The following MAP3K20 variants were observed in gnomAD, a reference collection of about 807,000 sequenced individuals.
MAP3K20 encodes the protein HCCS-4.
A neutral mutation model predicts 85.7 loss-of-function variants in MAP3K20; 40 were observed. The observed-to-expected ratio is 0.47, with a 90% CI of 0.36 to 0.61. The LOEUF (loss-of-function observed/expected upper bound fraction) is 0.61. Ranked by LOEUF, MAP3K20 falls within the 20% of genes least tolerant of loss-of-function variation. The pLI, the probability that MAP3K20 is intolerant of heterozygous loss-of-function variation, is 0.00. For missense variants in MAP3K20, 817 were observed against 961.7 expected (o/e 0.85, Z 1.99); for synonymous variants, 325 against 327.7 (o/e 0.99, Z 0.09).
Position 173,233,081 on chromosome 2 carries a change from C to T in MAP3K20, c.1203+622C>T, listed in dbSNP as rs188097946. 1.7e-3 allele frequency among the ~76,000 whole-genome samples: 255 copies of T among 152,194 alleles called. 1 individual carries two copies. Among genetic ancestry groups the T allele is most frequent in the Admixed American group, 4.9e-3 (75 of 15,288 alleles). Reference sequence around the variant, plus strand: ...GTGGAGAAAACAGATACTGCCTATGCGATAATGGTAAATGACGGCTGTAAG... The same window carrying T: ...GTGGAGAAAACAGATACTGCCTATGTGATAATGGTAAATGACGGCTGTAAG... On this transcript the variant is annotated intron_variant, in intron 14 of 19. Coordinates refer to ENST00000375213, the MANE Select transcript of MAP3K20 (RefSeq NM_016653.3).
At chr2:173,092,810 A>T (rs920126124) in intron 2 of MAP3K20, among the ~76,000 whole-genome samples, 1 of 152,208 alleles carries the variant, frequency 6.6e-6, no homozygotes, top group Admixed American at 6.5e-5. Flanking sequence ...GGATACCTAC[A>T]TAATACCTTT....
intron 2 of MAP3K20, among the ~76,000 whole-genome samples, chr2:173,096,409 C>T (rs555540983): frequency 5.7e-4 from 86 of 151,710 alleles, no homozygotes; most frequent in African/African-American, 2.0e-3. Flanking sequence ...GTGCAATCTC[C>T]GTTCACTGCA....
intron 2 of MAP3K20, among the ~76,000 whole-genome samples, chr2:173,097,156 G>A (rs1332334426): frequency 1.3e-5 from 2 of 152,186 alleles, no homozygotes; most frequent in African/African-American, 2.4e-5. Context: ...CGAGGCGGGC[G>A]GATCACGAGG....
At chr2:173,209,950 G>A in intron 10 of MAP3K20, 115 bp downstream of exon 10, 1 of 945,518 alleles carries the variant, frequency 1.1e-6, no homozygotes. Flanking sequence ...CCATAGCTTA[G>A]GGAAAAAGAA....
chr2:173,105,016 A>G (rs1687744987), intron 2 of MAP3K20, among the ~76,000 whole-genome samples: 1 of 152,194 alleles, frequency 6.6e-6, no homozygotes, highest in African/African-American at 2.4e-5. Context: ...CAGAGAGGCA[A>G]TGAGGCCAAG....
intron 2 of MAP3K20, among the ~76,000 whole-genome samples, chr2:173,136,113 T>C (rs954728378): frequency 2.0e-5 from 3 of 152,228 alleles, no homozygotes; most frequent in East Asian, 1.9e-4. Flanking sequence ...TAAAATTAGC[T>C]GTAACAAAAG....
At chr2:173,223,159 T>A (rs1684296780) in intron 11 of MAP3K20, 1 of 985,184 alleles carries the variant, frequency 1.0e-6, no homozygotes. Context: ...CCAGCTTCAT[T>A]TGGGGAGAAA....
At chr2:173,163,618 G>C (rs1212473710) in intron 2 of MAP3K20, among the ~76,000 whole-genome samples, 1 of 152,110 alleles carries the variant, frequency 6.6e-6, no homozygotes, top group East Asian at 1.9e-4. Context: ...GTATTCCATG[G>C]TATGTATGTA....
chr2:173,166,511 T>G (rs1443342027), intron 2 of MAP3K20: 1 of 152,212 alleles, frequency 6.6e-6, no homozygotes, highest in Non-Finnish European at 1.5e-5. Flanking sequence ...TGAAATTATT[T>G]CTGTGTAACT....
rs1459091372 is a variant in MAP3K20, at chr2:173,203,068, T to C, written c.670-728T>C. Among the ~76,000 whole-genome samples, 5 of 152,294 alleles carry C rather than the reference T, an allele frequency of 3.3e-5. No individual in the cohort carries two copies. In the East Asian group the frequency reaches 9.6e-4, roughly 29 times the overall value. On this transcript the variant is annotated intron_variant, in intron 8 of 19. Coordinates refer to ENST00000375213, the MANE Select transcript of MAP3K20 (RefSeq NM_016653.3). ...GGGAGTTCCTGGTTATGCAGGATAG[T>C]ATGGTATATTGAATTGTCTAGCATT... is the stretch of plus-strand genomic sequence containing the variant.
At chr2:173,123,961 T>C (rs921949673) in intron 2 of MAP3K20, among the ~76,000 whole-genome samples, 8 of 152,212 alleles carry the variant, frequency 5.3e-5, no homozygotes, top group African/African-American at 1.9e-4. Flanking sequence ...CTACAATCTT[T>C]ATATTCATCA....
intron 2 of MAP3K20, among the ~76,000 whole-genome samples, chr2:173,117,281 A>C (rs1688152956): frequency 1.3e-5 from 2 of 151,936 alleles, no homozygotes; most frequent in Non-Finnish European, 2.9e-5. Context: ...TTCCTCATTT[A>C]TTTATTATTA....
chr2:173,147,076 A>G (rs533229685), intron 2 of MAP3K20, among the ~76,000 whole-genome samples: 3 of 152,298 alleles, frequency 2.0e-5, no homozygotes, highest in Non-Finnish European at 4.4e-5. Context: ...TTGAGTTGTA[A>G]GAATTTGTAT....
chr2:173,203,774 T>G, intron 8 of MAP3K20, 22 bp from the exon 9 acceptor site: 2 of 1,581,448 alleles, frequency 1.3e-6, no homozygotes, highest in East Asian at 2.2e-5. Context: ...TATTTTGTTT[T>G]GTTTCCCTCT....
chr2:173,224,555 A>G (rs1684334839), intron 11 of MAP3K20: 1 of 984,608 alleles, frequency 1.0e-6, no homozygotes, highest in Non-Finnish European at 1.2e-6. Flanking sequence ...TATTCCAGAG[A>G]TGGTCATAGC....
intron 11 of MAP3K20, among the ~76,000 whole-genome samples, chr2:173,220,528 T>C (rs961132313): frequency 1.3e-5 from 2 of 152,322 alleles, no homozygotes; most frequent in East Asian, 3.8e-4. Context: ...ATTTAATAAT[T>C]TGAATAAATA....
intron 11 of MAP3K20, chr2:173,226,844 G>A (rs778266720): frequency 1.5e-5 from 15 of 984,530 alleles, no homozygotes; most frequent in African/African-American, 1.7e-5. Context: ...TGAATAGATG[G>A]CATTATCACT....
intron 2 of MAP3K20, among the ~76,000 whole-genome samples, chr2:173,154,134 G>C (rs1574062168): frequency 6.6e-6 from 1 of 152,024 alleles, no homozygotes; most frequent in South Asian, 2.1e-4. Flanking sequence ...AAACTAAAGT[G>C]CTGCCGTTTC....
At chr2:173,124,808 C>T (rs1688395875) in intron 2 of MAP3K20, among the ~76,000 whole-genome samples, 1 of 152,152 alleles carries the variant, frequency 6.6e-6, no homozygotes, top group Non-Finnish European at 1.5e-5. Context: ...CCCTTCCATG[C>T]CTCTATTAAG....
Sources: gnomAD v4.1 joint callset for allele counts (sites outside exome capture counted in the v4.1 genomes callset) on GRCh38, gnomAD v4.1.1 for gene constraint, MANE v1.5 for transcripts, NCBI Gene and HGNC (gene_info 2026-07-23, HGNC 2026-07-21) for gene names.